GUCY1A2: variants seen among roughly 807,000 people sequenced by gnomAD.
GUCY1A2 encodes the protein guanylate cyclase 1 soluble subunit alpha 2.
Under a neutral mutation model 63.5 loss-of-function variants are expected in GUCY1A2, and 27 were observed. The ratio of observed to expected loss-of-function variants is 0.43; its 90% CI spans 0.31 to 0.59. The LOEUF (loss-of-function observed/expected upper bound fraction) is 0.59. Among genes scored for constraint, GUCY1A2 ranks in the 20% least tolerant of loss-of-function variants. The probability of loss-of-function intolerance (pLI) is 0.11; values close to 1 mark genes in which losing one functional copy is unlikely to be tolerated. For missense variants in GUCY1A2, 768 were observed against 913.3 expected (o/e 0.84, Z 2.05); for synonymous variants, 364 against 343.5 (o/e 1.06, Z -0.66).
intron 4 of GUCY1A2, among the ~76,000 whole-genome samples, chr11:106,842,713 G>A (rs372442206): frequency 7.9e-5 from 12 of 152,028 alleles, no homozygotes; most frequent in African/African-American, 2.6e-4. Context: ...TAGTGGTGAG[G>A]AAAAAGGGGG....
intron 1 of GUCY1A2, among the ~76,000 whole-genome samples, chr11:107,011,726 G>A (rs1336958305): frequency 6.7e-5 from 10 of 148,368 alleles, no homozygotes; most frequent in African/African-American, 2.5e-4. Flanking sequence ...TAACTTTAAA[G>A]TGAAAGTTCT....
rs189891573 is a variant in GUCY1A2 at position 106,984,708 on chromosome 11, G to A, written c.365+1362C>T. Among the ~76,000 whole-genome samples, 19 of 152,224 alleles carry A rather than the reference G, an allele frequency of 1.2e-4. No individual in the cohort carries two copies. In the East Asian group the frequency reaches 3.3e-3, roughly 26 times the overall value. On this transcript the variant is annotated intron_variant, in intron 2 of 7. Coordinates refer to ENST00000526355, the MANE Select transcript of GUCY1A2 (RefSeq NM_000855.3). Reference sequence around the variant, plus strand: ...CAGGTATGTAGTGCTCACCACATACGAGGAACTATTTTAAGTATACTAACT... The same window carrying A: ...CAGGTATGTAGTGCTCACCACATACAAGGAACTATTTTAAGTATACTAACT...
intron 1 of GUCY1A2, among the ~76,000 whole-genome samples, chr11:106,990,400 G>A (rs1444326625): frequency 2.0e-5 from 3 of 152,208 alleles, no homozygotes; most frequent in East Asian, 1.9e-4. Context: ...AGCCAACCAC[G>A]AAATAGTCCC....
chr11:106,686,503 G>A lies in GUCY1A2; in HGVS notation c.*1046C>T, dbSNP rs1862528578. 4 of 216,454 alleles carry A rather than the reference G, an allele frequency of 1.8e-5. No homozygotes were observed. The highest frequency in any genetic ancestry group is 3.7e-5 in the Non-Finnish European group (4 of 107,518). The allele number at this position is 216,454 out of a possible 1,614,324, so 13.4% of individuals were successfully genotyped here. A position where few individuals can be genotyped will look rare whatever the true frequency, so the allele number is the denominator to read the frequency against. On this transcript the variant is annotated 3_prime_UTR_variant, in exon 8 of 8. Transcript: ENST00000526355. ...TCTTTGTCACTAATGCCAGTATCCA[G>A]GAATTTGTTCTCAAGAATAGCAGTC...
intron 5 of GUCY1A2, among the ~76,000 whole-genome samples, chr11:106,799,045 G>C (rs1864820652): frequency 6.6e-6 from 1 of 152,178 alleles, no homozygotes; most frequent in Admixed American, 6.5e-5. Flanking sequence ...TCCTTAAGCT[G>C]ATAAGCAACT....
At chr11:106,727,696 A>C (rs1311973234) in intron 6 of GUCY1A2, among the ~76,000 whole-genome samples, 1 of 152,202 alleles carries the variant, frequency 6.6e-6, no homozygotes, top group Non-Finnish European at 1.5e-5. Context: ...TTATATTCAG[A>C]AACTAGACTT....
At chr11:106,752,493 T>C (rs1863898475) in intron 6 of GUCY1A2, among the ~76,000 whole-genome samples, 1 of 152,212 alleles carries the variant, frequency 6.6e-6, no homozygotes, top group African/African-American at 2.4e-5. Context: ...GTATTTCTCC[T>C]AATGCTATCC....
intron 4 of GUCY1A2, among the ~76,000 whole-genome samples, chr11:106,838,055 T>A (rs1385267211): frequency 2.0e-5 from 3 of 151,972 alleles, no homozygotes; most frequent in Non-Finnish European, 4.4e-5. Context: ...AATCCTGCTA[T>A]GTCTCTGTCC....
At chr11:107,014,588 C>A (rs532996373) in intron 1 of GUCY1A2, among the ~76,000 whole-genome samples, 163 of 152,194 alleles carry the variant, frequency 1.1e-3, no homozygotes, top group African/African-American at 3.8e-3. Context: ...ATTATTATAA[C>A]CTTTATACTC....
rs1479682782 is a variant in GUCY1A2, at chr11:106,687,773, G to A, written c.1992-17C>T. On this transcript the variant is annotated splice_polypyrimidine_tract_variant and intron_variant, in intron 7 of 7. Transcript: ENST00000526355. Reference sequence around the variant, plus strand: ...TTTAATAATCTAAGAAGAAAATACAGAGCACATGAATCAAGTAGGCCAGGG... The same window carrying A: ...TTTAATAATCTAAGAAGAAAATACAAAGCACATGAATCAAGTAGGCCAGGG... The A allele has an allele frequency of 6.5e-7, 1 of 1,536,670 alleles. No individual in the cohort carries two copies. Among genetic ancestry groups the A allele is most frequent in the Admixed American group, 1.7e-5 (1 of 59,862 alleles).
chr11:106,725,366 G>A (rs1863389418), intron 6 of GUCY1A2, among the ~76,000 whole-genome samples: 2 of 48,188 alleles, frequency 4.2e-5, no homozygotes, highest in South Asian at 1.5e-3. Context: ...TAGAGACGGG[G>A]TTTCACCGTT....
intron 4 of GUCY1A2, among the ~76,000 whole-genome samples, chr11:106,876,951 G>C (rs545541432): frequency 1.3e-5 from 2 of 152,168 alleles, no homozygotes; most frequent in Admixed American, 6.6e-5. Flanking sequence ...AAGATCTTGA[G>C]ATGGAGCAAT....
chr11:106,933,516 C>T (rs1860633617), intron 4 of GUCY1A2, among the ~76,000 whole-genome samples: 1 of 151,986 alleles, frequency 6.6e-6, no homozygotes, highest in Non-Finnish European at 1.5e-5. Context: ...ATTAGTTCAG[C>T]GTTTGTGAAA....
intron 6 of GUCY1A2, among the ~76,000 whole-genome samples, chr11:106,765,218 C>T (rs1008489917): frequency 1.3e-5 from 2 of 151,848 alleles, no homozygotes; most frequent in Non-Finnish European, 2.9e-5. Flanking sequence ...TAATGCCTTT[C>T]AACCTCACTT....
intron 4 of GUCY1A2, among the ~76,000 whole-genome samples, chr11:106,884,457 G>C (rs1391168515): frequency 6.6e-6 from 1 of 152,130 alleles, no homozygotes; most frequent in Non-Finnish European, 1.5e-5. Flanking sequence ...CTGAGAGTGA[G>C]AGAGAGCATG....
At chr11:106,749,511 G>A (rs770185037) in intron 6 of GUCY1A2, among the ~76,000 whole-genome samples, 29 of 152,010 alleles carry the variant, frequency 1.9e-4, no homozygotes, top group Non-Finnish European at 3.4e-4. Context: ...TTTTAGGCTT[G>A]TTCTATACTG....
At chr11:107,000,895 T>C (rs992589731) in intron 1 of GUCY1A2, among the ~76,000 whole-genome samples, 2 of 152,116 alleles carry the variant, frequency 1.3e-5, no homozygotes, top group Non-Finnish European at 2.9e-5. Flanking sequence ...AGAAATGAAA[T>C]TGGAAGAAGG....
At chr11:106,967,405 T>C (rs1160687429) in intron 3 of GUCY1A2, among the ~76,000 whole-genome samples, 1 of 152,014 alleles carries the variant, frequency 6.6e-6, no homozygotes, top group Non-Finnish European at 1.5e-5. Flanking sequence ...AGTAAAAAAA[T>C]CTAGCAGTAA....
At chr11:106,918,817 T>C (rs1860402119) in intron 4 of GUCY1A2, among the ~76,000 whole-genome samples, 1 of 109,864 alleles carries the variant, frequency 9.1e-6, no homozygotes, top group Admixed American at 8.7e-5. Context: ...AAGTGTACAA[T>C]GTACCTAGCA....
Sources: allele counts gnomAD v4.1 joint callset (sites outside exome capture counted in the v4.1 genomes callset), GRCh38; gene constraint gnomAD v4.1.1; transcripts MANE v1.5; gene names NCBI Gene and HGNC (gene_info 2026-07-23, HGNC 2026-07-21).